DDX31: variants seen among roughly 807,000 people sequenced by gnomAD.
DDX31 encodes the protein DEAD-box helicase 31.
In DDX31, 70 loss-of-function variants were observed where a neutral mutation model predicts 91.3. The ratio of observed to expected loss-of-function variants is 0.77; its 90% confidence interval spans 0.63 to 0.94. The LOEUF (loss-of-function observed/expected upper bound fraction) is 0.94. DDX31 is among the 40% of genes least tolerant of loss of function. The pLI, the probability that DDX31 is intolerant of heterozygous loss-of-function variation, is 0.00. For synonymous variants in DDX31, 362 were observed against 350.6 expected, an observed-to-expected ratio of 1.03 and a Z score of -0.36; for missense variants, 902 against 925.0, an observed-to-expected ratio of 0.98 and a Z score of 0.32.
rs145772455 is a variant in DDX31 at position 132,630,757 on chromosome 9, A to T, written c.1492-354T>A. On this transcript the variant is annotated intron_variant, in intron 15 of 19. Coordinates refer to ENST00000372159, the MANE Select transcript of DDX31 (RefSeq NM_022779.9). ...GTGAAAATGTAGGCAGGTGGGGGTA[A>T]ATTTCTCCAGGATGACCACATGACC... Among the ~76,000 whole-genome samples, 639 of 152,304 alleles carry T rather than the reference A, an allele frequency of 4.2e-3. 4 individuals carry two copies. Among genetic ancestry groups the T allele is most frequent in the Non-Finnish European group, 7.3e-3 (499 of 68,028 alleles).
intron 18 of DDX31, among the ~76,000 whole-genome samples, chr9:132,617,004 G>A (rs541480199): frequency 3.3e-5 from 5 of 151,986 alleles, no homozygotes; most frequent in African/African-American, 9.7e-5. Flanking sequence ...ACTTGCCCCC[G>A]CTAGAGTCTA....
chr9:132,593,194 T>C lies in DDX31; in HGVS notation c.*1672A>G, dbSNP rs1830278931. On this transcript the variant is annotated 3_prime_UTR_variant, in exon 20 of 20. Transcript: ENST00000372159. Reference sequence around the variant, plus strand: ...TGTGTAAGTTTTGATCTTGGAATTATCGTCACTCACACGTTGCATGATTCT... The same window carrying C: ...TGTGTAAGTTTTGATCTTGGAATTACCGTCACTCACACGTTGCATGATTCT... 6.6e-6 allele frequency: 1 copy of C among 152,204 alleles called. No homozygotes were observed. Among genetic ancestry groups the C allele is most frequent in the Non-Finnish European group, 1.5e-5 (1 of 68,040 alleles). 9.4% of individuals were successfully genotyped at this position (152,204 alleles called of 1,614,324 possible). A position where few individuals can be genotyped will look rare whatever the true frequency, so the allele number is the denominator to read the frequency against.
chr9:132,660,012 T>C (rs1468251173), intron 4 of DDX31, among the ~76,000 whole-genome samples: 1 of 152,196 alleles, frequency 6.6e-6, no homozygotes, highest in Non-Finnish European at 1.5e-5. Context: ...AACCAGAGAC[T>C]GGCCATTCTA....
At chr9:132,600,629 A>C (rs1261301436) in intron 19 of DDX31, among the ~76,000 whole-genome samples, 1 of 152,032 alleles carries the variant, frequency 6.6e-6, no homozygotes, top group African/African-American at 2.4e-5. Flanking sequence ...GATATGGCCG[A>C]TGTTTGAAAA....
At chr9:132,655,972 G>A (rs1246546871) in intron 6 of DDX31, among the ~76,000 whole-genome samples, 2 of 152,208 alleles carry the variant, frequency 1.3e-5, no homozygotes, top group African/African-American at 4.8e-5. Context: ...TAGTACAACA[G>A]CAGCAACGTG....
At chr9:132,625,339 T>C (rs1008313292) in intron 17 of DDX31, among the ~76,000 whole-genome samples, 7 of 152,038 alleles carry the variant, frequency 4.6e-5, no homozygotes, top group African/African-American at 1.7e-4. Context: ...GCTGAGAATC[T>C]GGACAGGGAC....
chr9:132,623,576 A>G (rs1376729613), intron 17 of DDX31, among the ~76,000 whole-genome samples: 1 of 151,356 alleles, frequency 6.6e-6, no homozygotes, highest in Non-Finnish European at 1.5e-5. Flanking sequence ...AAAGAAAAAA[A>G]AAAGAAAAAA....
chr9:132,640,584 C>A (rs571448250), intron 14 of DDX31, among the ~76,000 whole-genome samples: 1 of 152,250 alleles, frequency 6.6e-6, no homozygotes, highest in Admixed American at 6.5e-5. Flanking sequence ...GTAGCCTCGA[C>A]CTTCTGGGCT....
chr9:132,668,981 G>C (rs1835514514), intron 1 of DDX31, among the ~76,000 whole-genome samples: 1 of 149,632 alleles, frequency 6.7e-6, no homozygotes, highest in South Asian at 2.1e-4. Flanking sequence ...CCAGGCTATA[G>C]GTAAATTTAA....
chr9:132,600,628 G>A (rs766721060), intron 19 of DDX31, among the ~76,000 whole-genome samples: 3 of 152,048 alleles, frequency 2.0e-5, no homozygotes, highest in South Asian at 2.1e-4. Context: ...AGATATGGCC[G>A]ATGTTTGAAA....
At chr9:132,629,376 G>T (rs542979731) in intron 16 of DDX31, among the ~76,000 whole-genome samples, 1 of 152,208 alleles carries the variant, frequency 6.6e-6, no homozygotes, top group Non-Finnish European at 1.5e-5. Flanking sequence ...GCCTCAGTCC[G>T]TAAGTGTTCA....
intron 1 of DDX31, among the ~76,000 whole-genome samples, 192 bp from the exon 2 acceptor site, chr9:132,662,887 G>GAAAAA (rs933022002): frequency 3.3e-5 from 5 of 151,880 alleles, no homozygotes; most frequent in South Asian, 2.1e-4. Context: ...GTAAAGAAAA[G>GAAAAA]AAAAAAGAAA....
chr9:132,653,494 C>CAAAAAAAAAAAAA (rs71376648), intron 6 of DDX31, among the ~76,000 whole-genome samples: 3 of 20,660 alleles, frequency 1.5e-4, no homozygotes, highest in Admixed American at 1.2e-3. Context: ...AACTCAGTCT[C>CAAAAAAAAAAAAA]AAAAAAAAAA....
intron 17 of DDX31, among the ~76,000 whole-genome samples, chr9:132,625,011 C>T (rs1832309351): frequency 2.0e-5 from 3 of 152,228 alleles, no homozygotes; most frequent in South Asian, 2.1e-4. Flanking sequence ...AAATTACATA[C>T]AGCAACACTG....
chr9:132,646,715 T>C lies in DDX31; in HGVS notation c.1203+108A>G. 3.8e-6 allele frequency: 4 copies of C among 1,041,282 alleles called. No individual in the cohort carries two copies. In the South Asian group the frequency reaches 5.7e-5, roughly 15 times the overall value. The allele number at this position is 1,041,282 out of a possible 1,614,324, so 64.5% of individuals were successfully genotyped here. On this transcript the variant is annotated intron_variant, in intron 12 of 19. Coordinates refer to ENST00000372159, the MANE Select transcript of DDX31 (RefSeq NM_022779.9). ...CTGCATCCGGAATGCAGACATAAGT[T>C]GGAAAACCTCTGATTTTTGGTGTCT...
intron 14 of DDX31, among the ~76,000 whole-genome samples, chr9:132,632,654 G>A (rs1444565504): frequency 2.0e-5 from 3 of 152,036 alleles, no homozygotes; most frequent in Non-Finnish European, 4.4e-5. Flanking sequence ...TGGGAGTGAA[G>A]TGCAAAGTAT....
intron 18 of DDX31, among the ~76,000 whole-genome samples, chr9:132,615,306 A>C (rs1831566805): frequency 6.6e-6 from 1 of 152,176 alleles, no homozygotes; most frequent in Non-Finnish European, 1.5e-5. Flanking sequence ...AGAAATAAAC[A>C]AACCTCCAGC....
intron 14 of DDX31, among the ~76,000 whole-genome samples, chr9:132,635,536 G>A (rs1397836204): frequency 6.8e-6 from 1 of 147,422 alleles, no homozygotes; most frequent in Non-Finnish European, 1.5e-5. Context: ...TCTCCTGGAC[G>A]TCATGATCTG....
At chr9:132,651,220 G>A in intron 7 of DDX31, 104 bp from the exon 8 acceptor site, 2 of 947,670 alleles carry the variant, frequency 2.1e-6, no homozygotes, top group Non-Finnish European at 3.2e-6. Context: ...CTCAAGTTAA[G>A]ATTTAAGAAG....
Sources: allele counts gnomAD v4.1 joint callset (sites outside exome capture counted in the v4.1 genomes callset), GRCh38; gene constraint gnomAD v4.1.1; transcripts MANE v1.5; gene names NCBI Gene and HGNC (gene_info 2026-07-23, HGNC 2026-07-21).